Variants in RPS6KC1 observed in about 807,000 individuals in gnomAD.
RPS6KC1 encodes inactive ribosomal protein S6 kinase delta-1.
RPS6KC1 carries 54 observed loss-of-function variants against 103.8 expected under a neutral mutation model. The ratio of observed to expected loss-of-function variants is 0.52; its 90% CI spans 0.42 to 0.65. The LOEUF (loss-of-function observed/expected upper bound fraction) is 0.65, where lower values mean the gene tolerates loss of function less well. Among genes scored for constraint, RPS6KC1 ranks in the 30% least tolerant of loss-of-function variants. The pLI is 0.00. For missense variants in RPS6KC1, 1,151 were observed against 1,253.8 expected (o/e 0.92, Z 1.24); for synonymous variants, 439 against 438.7 (o/e 1.00, Z -0.01).
At chr1:213,538,185 A>C in the RPS6KC1 span, among the ~76,000 whole-genome samples, 1 of 152,178 alleles carries the variant, frequency 6.6e-6, no homozygotes, top group Non-Finnish European at 1.5e-5. Flanking sequence ...TTGGTGGGCC[A>C]ATAAATCTCA....
chr1:213,693,220 C>T, the RPS6KC1 span, among the ~76,000 whole-genome samples: 1 of 152,194 alleles, frequency 6.6e-6, no homozygotes, highest in African/African-American at 2.4e-5. Context: ...CCTGGCTGCC[C>T]TCTTCCCTCC....
At chr1:213,454,905 TG>T in the RPS6KC1 span, among the ~76,000 whole-genome samples, 8 of 152,212 alleles carry the variant, frequency 5.3e-5, no homozygotes, top group African/African-American at 1.7e-4. Flanking sequence ...TTTGCCAGAC[TG>T]GGACCAGTTT....
downstream of RPS6KC1, among the ~76,000 whole-genome samples, chr1:213,279,112 T>C (rs972357876): frequency 2.0e-5 from 3 of 152,168 alleles, no homozygotes; most frequent in Admixed American, 1.3e-4. Flanking sequence ...GTGATGTTTC[T>C]TGGAGAGCTG....
chr1:213,787,059 G>A, the RPS6KC1 span, among the ~76,000 whole-genome samples: 1 of 152,146 alleles, frequency 6.6e-6, no homozygotes, highest in Admixed American at 6.6e-5. Flanking sequence ...AACTGACAAC[G>A]GCTTCTGTCC....
At chr1:213,355,224 A>T in the RPS6KC1 span, among the ~76,000 whole-genome samples, 21 of 128,566 alleles carry the variant, frequency 1.6e-4, no homozygotes, top group Middle Eastern at 9.4e-3. Context: ...CTCACAAAGG[A>T]AAAAAAAAAG....
intron 1 of RPS6KC1, 106 bp from the exon 2 acceptor site, chr1:213,070,900 A>G: frequency 1.5e-6 from 1 of 687,476 alleles, no homozygotes; most frequent in South Asian, 1.9e-5. Flanking sequence ...TTATTTTTTT[A>G]AGCAAATTGA....
chr1:213,550,777 A>T, the RPS6KC1 span, among the ~76,000 whole-genome samples: 4 of 152,170 alleles, frequency 2.6e-5, 1 homozygote, highest in Non-Finnish European at 5.9e-5. Flanking sequence ...CTAAAAATAC[A>T]TTCTCTGGGA....
At chr1:213,475,140 A>G in the RPS6KC1 span, among the ~76,000 whole-genome samples, 6 of 152,212 alleles carry the variant, frequency 3.9e-5, no homozygotes, top group African/African-American at 1.4e-4. Context: ...ACTTTGGGGA[A>G]GCACGGGGCC....
chr1:213,671,959 A>G, the RPS6KC1 span, among the ~76,000 whole-genome samples: 1 of 151,992 alleles, frequency 6.6e-6, no homozygotes, highest in African/African-American at 2.4e-5. Context: ...AAGCTAAAAA[A>G]AAAAAGAAAA....
the RPS6KC1 span, among the ~76,000 whole-genome samples, chr1:213,807,273 T>A: frequency 6.6e-6 from 1 of 152,330 alleles, no homozygotes; most frequent in South Asian, 2.1e-4. Flanking sequence ...GTTGCTCTTC[T>A]CGAGGAGTAT....
At chr1:213,774,479 G>A in the RPS6KC1 span, among the ~76,000 whole-genome samples, 1 of 152,194 alleles carries the variant, frequency 6.6e-6, no homozygotes, top group Non-Finnish European at 1.5e-5. Context: ...TCTAATGGCA[G>A]AACAGACAGG....
the RPS6KC1 span, among the ~76,000 whole-genome samples, chr1:213,838,696 A>G: frequency 1.7e-4 from 26 of 152,368 alleles, no homozygotes; most frequent in Non-Finnish European, 3.5e-4. Flanking sequence ...TACAGCCTCC[A>G]AATTCTGTGG....
chr1:213,151,779 G>T (rs2089005569), intron 6 of RPS6KC1, among the ~76,000 whole-genome samples: 1 of 135,368 alleles, frequency 7.4e-6, no homozygotes, highest in Non-Finnish European at 1.6e-5. Context: ...CTGGCGGGGG[G>T]CTGACCCCCC....
chr1:213,630,406 T>C, the RPS6KC1 span, among the ~76,000 whole-genome samples: 3 of 152,266 alleles, frequency 2.0e-5, no homozygotes, highest in South Asian at 6.2e-4. Flanking sequence ...CATGTAGTTC[T>C]TGTGCCTTGG....
At chr1:213,823,842 C>T in the RPS6KC1 span, among the ~76,000 whole-genome samples, 1 of 151,918 alleles carries the variant, frequency 6.6e-6, no homozygotes, top group Admixed American at 6.6e-5. Context: ...AAACTTTTTA[C>T]ATATATTATC....
intron 5 of RPS6KC1, among the ~76,000 whole-genome samples, chr1:213,124,433 T>C (rs2084745272): frequency 6.6e-6 from 1 of 151,048 alleles, no homozygotes; most frequent in Non-Finnish European, 1.5e-5. Flanking sequence ...ACCTGTCACT[T>C]GCTTGTTGCT....
chr1:213,383,217 G>C, the RPS6KC1 span, among the ~76,000 whole-genome samples: 5 of 152,240 alleles, frequency 3.3e-5, no homozygotes, highest in East Asian at 9.6e-4. Flanking sequence ...GGTCTACCTG[G>C]TTCACTGTCG....
At chr1:213,374,584 A>T in the RPS6KC1 span, among the ~76,000 whole-genome samples, 1 of 152,146 alleles carries the variant, frequency 6.6e-6, no homozygotes, top group Non-Finnish European at 1.5e-5. Flanking sequence ...GTGGAGAGGG[A>T]GGGCATGCCA....
chr1:213,504,317 C>T, the RPS6KC1 span, among the ~76,000 whole-genome samples: 11 of 152,176 alleles, frequency 7.2e-5, 1 homozygote, highest in South Asian at 2.3e-3. Context: ...CATTGTCTGT[C>T]TTAATCTTAT....
Sources: allele counts gnomAD v4.1 joint callset (sites outside exome capture counted in the v4.1 genomes callset), GRCh38; gene constraint gnomAD v4.1.1; transcripts MANE v1.5; gene names NCBI Gene and HGNC (gene_info 2026-07-23, HGNC 2026-07-21).